Variants in RIPPLY3 observed in about 807,000 individuals in gnomAD.
RIPPLY3 encodes the protein protein ripply3.
A neutral mutation model predicts 11.9 loss-of-function variants in RIPPLY3; 8 were observed. That is an observed-to-expected ratio of 0.67 (90% CI 0.40 to 1.21). The LOEUF (loss-of-function observed/expected upper bound fraction) is 1.21, where lower values mean the gene tolerates loss of function less well. Ranked by LOEUF, RIPPLY3 falls within the 50% of genes most tolerant of loss-of-function variation. The pLI is 0.01. For synonymous variants in RIPPLY3, 102 were observed against 99.0 expected (o/e 1.03, Z -0.18); for missense variants, 271 against 246.0 (o/e 1.10, Z -0.68).
chr21:37,016,615 T>C (rs2069581558), intron 3 of RIPPLY3, among the ~76,000 whole-genome samples: 1 of 152,252 alleles, frequency 6.6e-6, no homozygotes, highest in Non-Finnish European at 1.5e-5. Flanking sequence ...GAGGATCACT[T>C]GAGCTCAGGA....
chr21:37,006,466 CCTTGACA>C, upstream of RIPPLY3: 1 of 264,450 alleles, frequency 3.8e-6, no homozygotes. The surrounding 1 kb of genome is among the most constrained non-coding windows in gnomAD (Gnocchi z 5.2). Flanking sequence ...GGACCCCCCT[CCTTGACA>C]CCCGGCGCCA....
rs1213665501 is a variant in RIPPLY3 at position 37,015,875 on chromosome 21, ATTT to A, written c.240-1981_240-1979del. ...AGGTACAAACCACCACACCCAGCTAATTTTTTTTTTTTTTTTTTTTCAGATATG... is the reference window on the plus strand; with the variant it reads ...AGGTACAAACCACCACACCCAGCTAATTTTTTTTTTTTTTTTTCAGATATG... On this transcript the variant is annotated intron_variant, in intron 3 of 3. Coordinates refer to ENST00000329553, the MANE Select transcript of RIPPLY3 (RefSeq NM_018962.3). Among the ~76,000 whole-genome samples the A allele has an allele frequency of 8.1e-3, 993 of 121,970 alleles. 14 individuals carry two copies. The highest frequency in any genetic ancestry group is 0.029 in the African/African-American group (952 of 32,378). 80.0% of individuals were successfully genotyped at this position (121,970 alleles called of 152,430 possible).
chr21:37,017,885 C>G lies in RIPPLY3; in HGVS notation c.251C>G (p.Pro84Arg), dbSNP rs751169544. Residue 84 changes from proline (P) to arginine (R), a missense_variant, in exon 4 of 4, where the codon CCC (proline) becomes CGC (arginine). Pro to Arg is a moderately radical substitution (Grantham distance 103, BLOSUM62 -2). Transcript: ENST00000329553. Reference protein sequence around the residue: ...GFQHPVRVYLPMSKRQEYLRS... With the variant: ...GFQHPVRVYLRMSKRQEYLRS... Reference sequence around the variant, plus strand: ...TTCTTAAATATTAGAGTCTATTTACCCATGTCAAAGCGTCAAGAATACCTG... The same window carrying G: ...TTCTTAAATATTAGAGTCTATTTACGCATGTCAAAGCGTCAAGAATACCTG... The G allele has an allele frequency of 6.2e-7, 1 of 1,611,206 alleles. No individual in the cohort carries two copies. Among genetic ancestry groups the G allele is most frequent in the East Asian group, 2.2e-5 (1 of 44,834 alleles).
rs1206349032 is a variant in RIPPLY3, at chr21:37,013,727, CA to C, written c.239+111del. On this transcript the variant is annotated intron_variant, in intron 3 of 3. Coordinates refer to ENST00000329553, the MANE Select transcript of RIPPLY3 (RefSeq NM_018962.3). ...ATTGTCAACAAAGTGGAAAATAATTCAATGTATTCTTTGGTATTGTTTAGTT... is the reference window on the plus strand; with the variant it reads ...ATTGTCAACAAAGTGGAAAATAATTCATGTATTCTTTGGTATTGTTTAGTT... The C allele has an allele frequency of 1.6e-5, 12 of 758,746 alleles. No homozygotes were observed. In the East Asian group the frequency reaches 3.3e-4, roughly 21 times the overall value. The allele number at this position is 758,746 out of a possible 1,614,324, so 47.0% of individuals were successfully genotyped here. A position where few individuals can be genotyped will look rare whatever the true frequency, so the allele number is the denominator to read the frequency against.
At chr21:37,013,463 G>T in intron 2 of RIPPLY3, 88 bp from the exon 3 acceptor site, 1 of 1,061,374 alleles carries the variant, frequency 9.4e-7, no homozygotes. Flanking sequence ...AACTGCAGAT[G>T]ACTTACGTTC....
intron 3 of RIPPLY3, among the ~76,000 whole-genome samples, chr21:37,017,636 A>T (rs1409188300): frequency 6.6e-6 from 1 of 152,152 alleles, no homozygotes; most frequent in Non-Finnish European, 1.5e-5. Flanking sequence ...GACTGTCTGA[A>T]TTGACTGGCT....
intron 2 of RIPPLY3, among the ~76,000 whole-genome samples, chr21:37,011,929 C>CAAAAAAAAA (rs59382996): frequency 1.9e-4 from 9 of 47,102 alleles, no homozygotes; most frequent in African/African-American, 6.1e-4. Context: ...GACTCCGTCT[C>CAAAAAAAAA]AAAAAAAAAA....
In RIPPLY3 at chr21:37,008,158, C is replaced by T; in HGVS notation, c.106C>T (p.Pro36Ser). The T allele has an allele frequency of 6.2e-7, 1 of 1,614,150 alleles. No individual in the cohort carries two copies. The highest frequency in any genetic ancestry group is 1.1e-5 in the South Asian group (1 of 91,074). The change falls in exon 2 of 4, where the codon CCC (proline) becomes TCC (serine). Residue 36 changes from proline (P) to serine (S), a missense_variant and splice_region_variant. Transcript: ENST00000329553. ...CTCTCCTGGCGCTTGCCGTTCCAGC[C>T]CCGCGCCGTGGCGACCTTGGATCCA... ...RPPPPRGPES[P>S]APWRPWIQTP...
In RIPPLY3 at chr21:37,018,802, C is replaced by T. The variant is rs1185959545; in HGVS notation, c.*595C>T. ...CCACTTCTTGGGTTCAAGTGATTCT[C>T]CTGTCTCAGCCTCCCAAGTAGCTGG... On this transcript the variant is annotated 3_prime_UTR_variant, in exon 4 of 4. Transcript: ENST00000329553. 6.6e-6 allele frequency: 1 copy of T among 152,062 alleles called. No homozygotes were observed. Among genetic ancestry groups the T allele is most frequent in the Non-Finnish European group, 1.5e-5 (1 of 68,146 alleles). The allele number at this position is 152,062 out of a possible 1,614,324, so 9.4% of individuals were successfully genotyped here.
rs2069603760 is a variant in RIPPLY3 at position 37,018,333 on chromosome 21, T to TG, written c.*128dup. The TG allele has an allele frequency of 1.4e-6, 1 of 733,644 alleles. No homozygotes were observed. Among genetic ancestry groups the TG allele is most frequent in the Admixed American group, 2.6e-5 (1 of 38,630 alleles). 45.4% of individuals were successfully genotyped at this position (733,644 alleles called of 1,614,324 possible). A position where few individuals can be genotyped will look rare whatever the true frequency, so the allele number is the denominator to read the frequency against. On this transcript the variant is annotated 3_prime_UTR_variant, in exon 4 of 4. Coordinates refer to ENST00000329553, the MANE Select transcript of RIPPLY3 (RefSeq NM_018962.3). ...GGCTAGAGGCTTCTCGGGCAGCCCC[T>TG]GGCCTGCACACTACTCATGACAGAA...
intron 3 of RIPPLY3, among the ~76,000 whole-genome samples, chr21:37,016,477 G>A (rs566564604): frequency 1.3e-5 from 2 of 152,248 alleles, no homozygotes; most frequent in African/African-American, 4.8e-5. Flanking sequence ...CAAATAAGCA[G>A]TGATCAATTG....
rs1465609222 is a variant in RIPPLY3, at chr21:37,008,197, G to A, written c.145G>A (p.Ala49Thr). ...WRPWIQTPGDAELTRTGRPLE... is the reference protein window; with the variant it reads ...WRPWIQTPGDTELTRTGRPLE... ...ACCTTGGATCCAGACACCTGGAGATGCTGAGCTGACCAGAACTGGAAGGCC... is the reference window on the plus strand; with the variant it reads ...ACCTTGGATCCAGACACCTGGAGATACTGAGCTGACCAGAACTGGAAGGCC... The change falls in exon 2 of 4, where the codon GCT becomes ACT. Residue 49 changes from alanine to threonine, a missense_variant. Physicochemically the swap from Ala to Thr is moderately conservative, Grantham distance 58 (BLOSUM62 0). Transcript: ENST00000329553. 1.2e-6 allele frequency: 2 copies of A among 1,614,168 alleles called. No individual in the cohort carries two copies. The highest frequency in any genetic ancestry group is 1.7e-6 in the Non-Finnish European group (2 of 1,180,016).
Position 37,006,976 on chromosome 21 carries a change from C to G in RIPPLY3, c.104+100C>G. On this transcript the variant is annotated intron_variant, in intron 1 of 3. Transcript: ENST00000329553. This position sits in a 1 kb window ranked among gnomAD's most constrained non-coding sequence, Gnocchi z 5.2. ...GGAGGCTGGGGCGCTGCTGAACCCC[C>G]GATCCCCAGCGGAGCTCCGGAGCTC... 4.4e-6 allele frequency: 3 copies of G among 681,432 alleles called. No homozygotes were observed. Among genetic ancestry groups the G allele is most frequent in the Non-Finnish European group, 6.1e-6 (3 of 495,828 alleles). 42.2% of individuals were successfully genotyped at this position (681,432 alleles called of 1,614,324 possible).
At position 37,006,874 on chromosome 21, in the gene RIPPLY3, G is replaced by C; in HGVS notation, c.102G>C (p.Glu34Asp). The stretch of plus-strand genomic sequence containing the variant: ...GGCCTCCGCCACCGCGCGGGCCGGA[G>C]AGGTGAGGGTGGCCCCGCGCCCCGG... ...PWRPPPPRGPESPAPWRPWIQ... is the reference protein window; with the variant it reads ...PWRPPPPRGPDSPAPWRPWIQ... The change falls in exon 1 of 4, where the codon GAG becomes GAC. Residue 34 changes from glutamate to aspartate, a missense_variant and splice_region_variant. Transcript: ENST00000329553. The surrounding 1 kb of genome is among the most constrained non-coding windows in gnomAD (Gnocchi z 5.2). 8.2e-7 allele frequency: 1 copy of C among 1,218,104 alleles called. No individual in the cohort carries two copies. Among genetic ancestry groups the C allele is most frequent in the Non-Finnish European group, 1.0e-6 (1 of 978,634 alleles). The allele number at this position is 1,218,104 out of a possible 1,614,324, so 75.5% of individuals were successfully genotyped here. A position where few individuals can be genotyped will look rare whatever the true frequency, so the allele number is the denominator to read the frequency against.
chr21:37,018,569 T>A lies in RIPPLY3; in HGVS notation c.*362T>A. 1.4e-5 allele frequency: 3 copies of A among 208,582 alleles called. No homozygotes were observed. Among genetic ancestry groups the A allele is most frequent in the Non-Finnish European group, 2.9e-5 (3 of 104,980 alleles). 12.9% of individuals were successfully genotyped at this position (208,582 alleles called of 1,614,324 possible). A position where few individuals can be genotyped will look rare whatever the true frequency, so the allele number is the denominator to read the frequency against. On this transcript the variant is annotated 3_prime_UTR_variant, in exon 4 of 4. Coordinates refer to ENST00000329553, the MANE Select transcript of RIPPLY3 (RefSeq NM_018962.3). ...CGCCCACTCCACCTCCTACTTAACC[T>A]GAGACTCATTATTTAGCTATTTCTG...
intron 2 of RIPPLY3, among the ~76,000 whole-genome samples, chr21:37,012,286 G>T (rs926919134): frequency 6.6e-6 from 1 of 151,242 alleles, no homozygotes; most frequent in Non-Finnish European, 1.5e-5. Flanking sequence ...TTGCCAGGCT[G>T]GAGTGCAGTG....
intron 2 of RIPPLY3, among the ~76,000 whole-genome samples, chr21:37,009,843 G>T (rs1488606198): frequency 6.6e-6 from 1 of 152,198 alleles, no homozygotes; most frequent in African/African-American, 2.4e-5. Context: ...CACGGATGTG[G>T]GTGTGGGAAG....
At chr21:37,010,078 C>T (rs928702195) in intron 2 of RIPPLY3, among the ~76,000 whole-genome samples, 3 of 152,228 alleles carry the variant, frequency 2.0e-5, no homozygotes, top group Admixed American at 6.5e-5. Flanking sequence ...CAGGACAATT[C>T]CCCAGCTCCC....
chr21:37,017,537 C>T (rs149755568), intron 3 of RIPPLY3, among the ~76,000 whole-genome samples: 1 of 152,228 alleles, frequency 6.6e-6, no homozygotes, highest in African/African-American at 2.4e-5. Flanking sequence ...GAGTCAAGTC[C>T]GCTATTTGAT....
Sources: gnomAD v4.1 joint callset for allele counts (sites outside exome capture counted in the v4.1 genomes callset) on GRCh38, gnomAD v4.1.1 for gene constraint, Gnocchi (gnomAD v3.1) non-coding constraint, MANE v1.5 for transcripts, NCBI Gene and HGNC (gene_info 2026-07-23, HGNC 2026-07-21) for gene names.